Variants in AKT3 observed in about 807,000 individuals in gnomAD.
AKT3 encodes the protein AKT serine/threonine kinase 3.
Under a neutral mutation model 65.3 loss-of-function variants are expected in AKT3, and 15 were observed. The observed-to-expected ratio is 0.23, with a 90% CI of 0.15 to 0.35. The LOEUF is 0.35. Ranked by LOEUF, AKT3 falls within the 10% of genes least tolerant of loss-of-function variation. AKT3 has a pLI of 1.00. For synonymous variants in AKT3, 206 were observed against 183.8 expected (o/e 1.12, Z -0.98); for missense variants, 243 against 576.5 (o/e 0.42, Z 5.92).
In AKT3 at chr1:243,843,264, T is replaced by G. The variant is rs1695357234; in HGVS notation, c.-94A>C. On this transcript the variant is annotated 5_prime_UTR_variant, in exon 2 of 14. Transcript: ENST00000673466. ...TCTCTGCTGCTGCTGCCCTTCCCAC[T>G]CTCTAGTGATGACTCAGCCTGGAAG... The G allele has an allele frequency of 1.3e-6, 2 of 1,493,266 alleles. No individual in the cohort carries two copies. The highest frequency in any genetic ancestry group is 1.8e-6 in the Non-Finnish European group (2 of 1,115,376). The allele number at this position is 1,493,266 out of a possible 1,614,324, so 92.5% of individuals were successfully genotyped here.
intron 2 of AKT3, among the ~76,000 whole-genome samples, chr1:243,723,444 G>A (rs1172611264): frequency 6.6e-6 from 1 of 152,152 alleles, no homozygotes; most frequent in Non-Finnish European, 1.5e-5. Flanking sequence ...ATCTAAGAAT[G>A]CAAGTTAAAT....
At chr1:243,850,289 AGCG>A (rs1290625781), upstream of AKT3, among the ~76,000 whole-genome samples, 1 of 56,100 alleles carries the variant, frequency 1.8e-5, no homozygotes, top group Non-Finnish European at 4.1e-5. Flanking sequence ...GCGGAGCTGG[AGCG>A]GGAGGCGGCG....
intron 5 of AKT3, among the ~76,000 whole-genome samples, chr1:243,643,287 G>A (rs1052379180): frequency 6.6e-6 from 1 of 152,178 alleles, no homozygotes; most frequent in Non-Finnish European, 1.5e-5. Flanking sequence ...AAAGCAGGAG[G>A]CACTGCTTAT....
At chr1:243,750,163 T>C (rs1688711528) in intron 2 of AKT3, among the ~76,000 whole-genome samples, 3 of 152,222 alleles carry the variant, frequency 2.0e-5, no homozygotes, top group African/African-American at 4.8e-5. Context: ...CTCAAAATTA[T>C]GTACTGCTTA....
chr1:243,715,566 T>C (rs1002566520), intron 2 of AKT3, among the ~76,000 whole-genome samples: 2 of 152,140 alleles, frequency 1.3e-5, no homozygotes, highest in Non-Finnish European at 1.5e-5. Flanking sequence ...AATGTCATGA[T>C]ACTATCTGGT....
At chr1:243,609,964 G>T (rs1677748259) in intron 8 of AKT3, among the ~76,000 whole-genome samples, 1 of 152,118 alleles carries the variant, frequency 6.6e-6, no homozygotes, top group Admixed American at 6.5e-5. Context: ...TATGATAGAA[G>T]TGATAATTAT....
chr1:243,720,394 T>C (rs1219707279), intron 2 of AKT3, among the ~76,000 whole-genome samples: 6 of 124,280 alleles, frequency 4.8e-5, no homozygotes, highest in Non-Finnish European at 6.9e-5. Flanking sequence ...ATAAAAAGGA[T>C]CTTAAAATCT....
chr1:243,673,146 G>A (rs921381979), intron 3 of AKT3, among the ~76,000 whole-genome samples: 2 of 152,170 alleles, frequency 1.3e-5, no homozygotes, highest in Admixed American at 1.3e-4. Context: ...ACCATTTTAA[G>A]TATACAGTTT....
chr1:243,787,992 G>C (rs1296899214), intron 2 of AKT3, among the ~76,000 whole-genome samples: 1 of 152,126 alleles, frequency 6.6e-6, no homozygotes, highest in Non-Finnish European at 1.5e-5. Context: ...GGAAAACCTT[G>C]CAACATACAG....
At chr1:243,610,307 T>G (rs1363588580) in intron 8 of AKT3, among the ~76,000 whole-genome samples, 2 of 152,172 alleles carry the variant, frequency 1.3e-5, no homozygotes, top group African/African-American at 4.8e-5. Context: ...ATTCAAATAA[T>G]CCAATGAATA....
At chr1:243,535,665 G>A (rs1297857396) in intron 12 of AKT3, among the ~76,000 whole-genome samples, 2 of 152,098 alleles carry the variant, frequency 1.3e-5, no homozygotes, top group African/African-American at 2.4e-5. Context: ...CTTTGCAATT[G>A]TGAATTGTGC....
chr1:243,667,734 GC>G (rs1481157778), intron 3 of AKT3, among the ~76,000 whole-genome samples: 1 of 152,078 alleles, frequency 6.6e-6, no homozygotes, highest in African/African-American at 2.4e-5. Context: ...GATGAGTAAG[GC>G]CTTTAAGTGA....
At chr1:243,815,817 A>G (rs985527862) in intron 2 of AKT3, among the ~76,000 whole-genome samples, 7 of 61,806 alleles carry the variant, frequency 1.1e-4, no homozygotes, top group Non-Finnish European at 2.2e-4. Flanking sequence ...AGGTTTCACC[A>G]TCTTGCCCAG....
intron 2 of AKT3, among the ~76,000 whole-genome samples, chr1:243,720,537 A>C (rs1184191086): frequency 6.6e-6 from 1 of 151,908 alleles, no homozygotes; most frequent in Non-Finnish European, 1.5e-5. Flanking sequence ...AATACTACAT[A>C]GAGTTCTATG....
intron 12 of AKT3, among the ~76,000 whole-genome samples, chr1:243,538,808 C>A (rs986497696): frequency 6.8e-6 from 1 of 147,674 alleles, no homozygotes; most frequent in Non-Finnish European, 1.5e-5. Flanking sequence ...CCAGCCTGCA[C>A]AAAATAGCAA....
intron 2 of AKT3, among the ~76,000 whole-genome samples, chr1:243,818,530 A>G (rs1408467410): frequency 6.6e-6 from 1 of 152,230 alleles, no homozygotes; most frequent in African/African-American, 2.4e-5. Flanking sequence ...GTATAAGGCA[A>G]TAACACTTTT....
chr1:243,603,894 C>CTTT (rs566682027), intron 8 of AKT3, among the ~76,000 whole-genome samples: 25 of 129,970 alleles, frequency 1.9e-4, no homozygotes, highest in East Asian at 6.6e-4. Flanking sequence ...AATTAATAAT[C>CTTT]TTTTTTTTTT....
At chr1:243,653,506 A>G (rs1057346810) in intron 4 of AKT3, among the ~76,000 whole-genome samples, 1 of 152,216 alleles carries the variant, frequency 6.6e-6, no homozygotes, top group African/African-American at 2.4e-5. Flanking sequence ...TGAGGACTGC[A>G]TTATCCTGAT....
chr1:243,654,794 T>C (rs921152417), intron 4 of AKT3, among the ~76,000 whole-genome samples: 6 of 152,190 alleles, frequency 3.9e-5, no homozygotes, highest in Admixed American at 3.9e-4. Flanking sequence ...ATCCCACATA[T>C]TGACATTATC....
Sources: gnomAD v4.1 joint callset for allele counts (sites outside exome capture counted in the v4.1 genomes callset) on GRCh38, gnomAD v4.1.1 for gene constraint, MANE v1.5 for transcripts, NCBI Gene and HGNC (gene_info 2026-07-23, HGNC 2026-07-21) for gene names.